The following FBF1 variants were observed in gnomAD, a reference collection of about 807,000 sequenced individuals.
The protein encoded by FBF1 is Fas binding factor 1.
Under a neutral mutation model 147.2 loss-of-function variants are expected in FBF1, and 119 were observed. The ratio of observed to expected loss-of-function variants is 0.81; its 90% CI spans 0.70 to 0.94. The LOEUF (loss-of-function observed/expected upper bound fraction) is 0.94. Among genes scored for constraint, FBF1 ranks in the 40% least tolerant of loss-of-function variants. The probability of loss-of-function intolerance (pLI) is 0.00; values close to 1 mark genes in which losing one functional copy is unlikely to be tolerated. For missense variants in FBF1, 1,449 were observed against 1,500.8 expected (o/e 0.97, Z 0.57); for synonymous variants, 601 against 609.0 (o/e 0.99, Z 0.19).
At position 75,912,289 on chromosome 17, in the gene FBF1, G is replaced by C; in HGVS notation, c.3266C>G (p.Pro1089Arg). 1.9e-6 allele frequency: 3 copies of C among 1,602,690 alleles called. No individual in the cohort carries two copies. In the East Asian group the frequency reaches 6.7e-5, roughly 36 times the overall value. The change falls in exon 29 of 30, where the codon CCC becomes CGC. Residue 1089 changes from proline to arginine, a missense_variant. Transcript: ENST00000636174. ...SSQSALMPPA[P>R]TTRWCSQPPT... ...CGGCTGGCTGCACCAACGGGTGGTGGGAGCAGGAGGCATGAGGGCTGAAAA... is the reference window on the plus strand; with the variant it reads ...CGGCTGGCTGCACCAACGGGTGGTGCGAGCAGGAGGCATGAGGGCTGAAAA...
chr17:75,914,679 G>A (rs2065476842), intron 25 of FBF1, 68 bp downstream of exon 25: 1 of 1,425,656 alleles, frequency 7.0e-7, no homozygotes, highest in Non-Finnish European at 9.3e-7. Flanking sequence ...GACTGGAAGC[G>A]GATGTGTCCA....
At position 75,914,064 on chromosome 17, in the gene FBF1, G is replaced by A; in HGVS notation, c.2992-14C>T. The stretch of plus-strand genomic sequence containing the variant: ...CTCGGAGGCCACCTGCAGGGAGGCC[G>A]CCTGGGTCAGGGCTGCCTGGGCTCA... On this transcript the variant is annotated splice_polypyrimidine_tract_variant and intron_variant, in intron 26 of 29. Coordinates refer to ENST00000636174, the MANE Select transcript of FBF1 (RefSeq NM_001319193.2). 1.3e-6 allele frequency: 2 copies of A among 1,591,622 alleles called. No individual in the cohort carries two copies. Among genetic ancestry groups the A allele is most frequent in the Non-Finnish European group, 1.7e-6 (2 of 1,175,398 alleles).
At position 75,922,402 on chromosome 17, in the gene FBF1, A is replaced by C. The variant is rs1369071077; in HGVS notation, c.1425-356T>G. 1.3e-5 allele frequency among the ~76,000 whole-genome samples: 2 copies of C among 152,060 alleles called. No individual in the cohort carries two copies. Among genetic ancestry groups the C allele is most frequent in the South Asian group, 2.1e-4 (1 of 4,822 alleles). On this transcript the variant is annotated intron_variant, in intron 14 of 29. Transcript: ENST00000636174. This position sits in a 1 kb window ranked among gnomAD's most constrained non-coding sequence, Gnocchi z 5.0. ...GATTAGGATTCTGCTCAGTCTACCA[A>C]ATCTGGCTGGCTCCCTTTCCCATTA...
intron 10 of FBF1, 53 bp from the exon 11 acceptor site, chr17:75,926,479 A>G: frequency 6.7e-7 from 1 of 1,494,194 alleles, no homozygotes; most frequent in Non-Finnish European, 8.9e-7. Context: ...CTCAACTGTG[A>G]TATCTGAATG....
Position 75,922,096 on chromosome 17 carries a change from G to C in FBF1, c.1425-50C>G, listed in dbSNP as rs2065531576. ...GAAGGTGACAGAAGGCCCAGGTCAG[G>C]CTGGATGAAGACAGGGCCCAGGACG... is the stretch of plus-strand genomic sequence containing the variant. On this transcript the variant is annotated intron_variant, in intron 14 of 29. Transcript: ENST00000636174. This position sits in a 1 kb window ranked among gnomAD's most constrained non-coding sequence, Gnocchi z 5.0. 7.4e-6 allele frequency: 11 copies of C among 1,494,388 alleles called. No individual in the cohort carries two copies. The highest frequency in any genetic ancestry group is 1.7e-4 in the Middle Eastern group (1 of 5,804). 92.6% of individuals were successfully genotyped at this position (1,494,388 alleles called of 1,614,324 possible).
chr17:75,910,627 G>C lies in FBF1; in HGVS notation c.*96C>G, dbSNP rs1415306168. On this transcript the variant is annotated 3_prime_UTR_variant, in exon 30 of 30. Coordinates refer to ENST00000636174, the MANE Select transcript of FBF1 (RefSeq NM_001319193.2). This position sits in a 1 kb window ranked among gnomAD's most constrained non-coding sequence, Gnocchi z 4.1. ...CTGTCATCAGGCCTCAAGCATCTCA[G>C]AATCCTCCCCAGGCACTGCCTCCAT... 9.2e-7 allele frequency: 1 copy of C among 1,091,380 alleles called. No individual in the cohort carries two copies. Among genetic ancestry groups the C allele is most frequent in the African/African-American group, 1.6e-5 (1 of 63,484 alleles). The allele number at this position is 1,091,380 out of a possible 1,614,324, so 67.6% of individuals were successfully genotyped here. A position where few individuals can be genotyped will look rare whatever the true frequency, so the allele number is the denominator to read the frequency against.
rs201308184 is a variant in FBF1, at chr17:75,921,283, C to T, written c.1635G>A (p.Pro545=). 1.7e-5 allele frequency: 27 copies of T among 1,593,100 alleles called. No homozygotes were observed. The highest frequency in any genetic ancestry group is 9.4e-5 in the African/African-American group (7 of 74,672). Residue 545 remains proline, a synonymous_variant, in exon 17 of 30, where the codon CCG becomes CCA. Coordinates refer to ENST00000636174, the MANE Select transcript of FBF1 (RefSeq NM_001319193.2). ...AAGGCTCTGTGGGTTTCTGGGTGCT[C>T]GGGAAACACGTGGCAGGCTCTGAAA... ...LSATEPATCF[P]STQKPTEPSV...
intron 9 of FBF1, 65 bp from the exon 10 acceptor site, chr17:75,926,942 C>A (rs2065565793): frequency 6.4e-7 from 1 of 1,559,736 alleles, no homozygotes; most frequent in South Asian, 1.2e-5. Flanking sequence ...CAAGCCTGAA[C>A]TGGGGAGCAG....
rs554708965 is a variant in FBF1, at chr17:75,918,691, C to T, written c.2139-422G>A. Reference sequence around the variant, plus strand: ...ATTTTAGTAGAGATGGGGTTTCCACCGTGTTGCCCAGGCTGGTCTCGAACT... The same window carrying T: ...ATTTTAGTAGAGATGGGGTTTCCACTGTGTTGCCCAGGCTGGTCTCGAACT... On this transcript the variant is annotated intron_variant, in intron 20 of 29. Transcript: ENST00000636174. The surrounding 1 kb of genome is among the most constrained non-coding windows in gnomAD (Gnocchi z 5.8). Among the ~76,000 whole-genome samples the T allele has an allele frequency of 2.0e-5, 3 of 152,112 alleles. No individual in the cohort carries two copies. The highest frequency in any genetic ancestry group is 4.4e-5 in the Non-Finnish European group (3 of 67,992).
At chr17:75,933,666 A>G (rs1414477059) in intron 4 of FBF1, among the ~76,000 whole-genome samples, 1 of 152,190 alleles carries the variant, frequency 6.6e-6, no homozygotes, top group African/African-American at 2.4e-5. Flanking sequence ...ACGAACACAA[A>G]TAATATGGAT....
At chr17:75,933,214 C>A in intron 4 of FBF1, 126 bp from the exon 5 acceptor site, 1 of 649,078 alleles carries the variant, frequency 1.5e-6, no homozygotes, top group Non-Finnish European at 2.6e-6. Context: ...GCCAAATAGG[C>A]AGGTCCCAAT....
intron 10 of FBF1, 80 bp downstream of exon 10, chr17:75,926,678 G>A: frequency 1.3e-6 from 2 of 1,548,236 alleles, no homozygotes; most frequent in Non-Finnish European, 1.7e-6. Context: ...GAGGCCTCTG[G>A]TTCTGCACCA....
chr17:75,919,690 C>T lies in FBF1; in HGVS notation c.2116G>A (p.Glu706Lys), dbSNP rs1182381365. The stretch of plus-strand genomic sequence containing the variant: ...CACCGCTGCAGCTCCCGGAGCCGCT[C>T]CATTTCCTGGTCCTTCTCCTGCGCT... ...AIAQEKDQEM[E>K]RLRELQRASI... is the part of the protein sequence containing the mutation. Residue 706 changes from glutamate to lysine, a missense_variant, in exon 20 of 30, where the codon GAG (glutamate) becomes AAG (lysine). By Grantham distance (56) the Glu-to-Lys change is moderately conservative. Transcript: ENST00000636174. The surrounding 1 kb of genome is among the most constrained non-coding windows in gnomAD (Gnocchi z 5.0). 6.2e-7 allele frequency: 1 copy of T among 1,610,122 alleles called. No individual in the cohort carries two copies. Among genetic ancestry groups the T allele is most frequent in the East Asian group, 2.2e-5 (1 of 44,792 alleles).
intron 5 of FBF1, among the ~76,000 whole-genome samples, chr17:75,932,673 G>A (rs2144191237): frequency 6.6e-6 from 1 of 152,272 alleles, no homozygotes; most frequent in African/African-American, 2.4e-5. Context: ...CGGATCACCT[G>A]AGGTCAGTTT....
At chr17:75,911,027 C>T (rs748433145) in intron 29 of FBF1, among the ~76,000 whole-genome samples, 1 of 152,168 alleles carries the variant, frequency 6.6e-6, no homozygotes, top group Non-Finnish European at 1.5e-5. Context: ...GTGGAACTTA[C>T]GAGCACATGA....
chr17:75,934,490 G>A (rs1318001642), intron 4 of FBF1, among the ~76,000 whole-genome samples: 2 of 151,788 alleles, frequency 1.3e-5, no homozygotes, highest in African/African-American at 2.4e-5. Flanking sequence ...GAACTCAGGA[G>A]GCAGAGGCAG....
In FBF1 at chr17:75,928,502, CT is replaced by C. The variant is rs952970030; in HGVS notation, c.280-310del. Among the ~76,000 whole-genome samples the C allele has an allele frequency of 1.3e-5, 2 of 151,872 alleles. No individual in the cohort carries two copies. The highest frequency in any genetic ancestry group is 4.8e-5 in the African/African-American group (2 of 41,336). Reference sequence around the variant, plus strand: ...TGGCTGGTCTCGGGAAAAAAGCTTTCTTTTTTTTCTTTTTTTAGACAGGATA... The same window carrying C: ...TGGCTGGTCTCGGGAAAAAAGCTTTCTTTTTTTCTTTTTTTAGACAGGATA... On this transcript the variant is annotated intron_variant, in intron 7 of 29. Transcript: ENST00000636174. The surrounding 1 kb of genome is among the most constrained non-coding windows in gnomAD (Gnocchi z 4.2).
chr17:75,936,532 G>A (rs549942705), intron 3 of FBF1, among the ~76,000 whole-genome samples: 6 of 151,752 alleles, frequency 4.0e-5, no homozygotes, highest in Admixed American at 6.6e-5. Flanking sequence ...AAAATTAGCC[G>A]GGCATGGTGA....
chr17:75,929,964 C>CCCCAAAA, intron 7 of FBF1, 33 bp downstream of exon 7: 1 of 1,402,196 alleles, frequency 7.1e-7, no homozygotes, highest in Non-Finnish European at 9.9e-7. Context: ...CACCCACCCC[C>CCCCAAAA]AGTTCTAAGA....
Sources: allele counts gnomAD v4.1 joint callset (sites outside exome capture counted in the v4.1 genomes callset), GRCh38; gene constraint gnomAD v4.1.1; non-coding constraint Gnocchi (gnomAD v3.1); transcripts MANE v1.5; gene names NCBI Gene and HGNC (gene_info 2026-07-23, HGNC 2026-07-21).